The following ASAP1 variants were observed in gnomAD, a reference collection of about 807,000 sequenced individuals.
ASAP1 encodes the protein arf-GAP with SH3 domain, ANK repeat and PH domain-containing protein 1.
In ASAP1, 43 loss-of-function variants were observed where a neutral mutation model predicts 145.2. The observed-to-expected ratio is 0.30, with a 90% CI of 0.23 to 0.38. The LOEUF is 0.38. Among genes scored for constraint, ASAP1 ranks in the 10% least tolerant of loss-of-function variants. ASAP1 has a pLI of 1.00. For synonymous variants in ASAP1, 546 were observed against 515.5 expected (o/e 1.06, Z -0.80); for missense variants, 1,018 against 1,355.3 (o/e 0.75, Z 3.91).
chr8:130,353,508 T>G (rs1438257971), intron 3 of ASAP1, among the ~76,000 whole-genome samples: 1 of 152,202 alleles, frequency 6.6e-6, no homozygotes, highest in Non-Finnish European at 1.5e-5. Context: ...ATGTTCCCTA[T>G]AAAGCCACTG....
Position 130,188,126 on chromosome 8 carries a change from G to C in ASAP1, c.463C>G (p.Leu155Val). 6.2e-7 allele frequency: 1 copy of C among 1,613,298 alleles called. No individual in the cohort carries two copies. The highest frequency in any genetic ancestry group is 8.5e-7 in the Non-Finnish European group (1 of 1,179,488). ...FTLDSLLKGD[L>V]KGVKGDLKKP... ...ACACTTACTCCTTTGACTCCCTTTAGGTCTCCTTTTAACAAAGAATCCAAG... is the reference window on the plus strand; with the variant it reads ...ACACTTACTCCTTTGACTCCCTTTACGTCTCCTTTTAACAAAGAATCCAAG... Residue 155 changes from leucine (L) to valine (V), a missense_variant, in exon 6 of 30, where the codon CTA becomes GTA. Leu to Val is a conservative substitution (Grantham distance 32). Coordinates refer to ENST00000518721, the MANE Select transcript of ASAP1 (RefSeq NM_018482.4).
intron 3 of ASAP1, among the ~76,000 whole-genome samples, chr8:130,241,902 T>C (rs1818550790): frequency 6.6e-6 from 1 of 152,142 alleles, no homozygotes; most frequent in East Asian, 1.9e-4. Context: ...TATACTCAAG[T>C]GGGAAAATTG....
chr8:130,071,009 G>A (rs1002724672), intron 27 of ASAP1, among the ~76,000 whole-genome samples: 115 of 7,000 alleles, frequency 0.016, 19 homozygotes, highest in East Asian at 0.049. Flanking sequence ...GAGGGGAGGG[G>A]GGGAGAGAGA....
rs58245112 is a variant in ASAP1, at chr8:130,256,739, T to TTATATATA, written c.187-19753_187-19746dup. On this transcript the variant is annotated intron_variant, in intron 3 of 29. Transcript: ENST00000518721. ...ATCTTCTTCCTGAATATACACATTC[T>TTATATATA]TATATATATATATATATATATATAT... 4.7e-3 allele frequency among the ~76,000 whole-genome samples: 453 copies of TTATATATA among 95,730 alleles called. 2 individuals carry two copies. The highest frequency in any genetic ancestry group is 8.4e-3 in the African/African-American group (187 of 22,332). 62.8% of individuals were successfully genotyped at this position (95,730 alleles called of 152,430 possible).
intron 2 of ASAP1, among the ~76,000 whole-genome samples, chr8:130,362,049 G>A (rs190173534): frequency 4.0e-5 from 6 of 151,856 alleles, no homozygotes; most frequent in African/African-American, 7.2e-5. Flanking sequence ...GCACTTTGTC[G>A]CCTTGAAAAA....
chr8:130,383,722 C>T (rs1827887306), intron 2 of ASAP1, among the ~76,000 whole-genome samples: 1 of 152,192 alleles, frequency 6.6e-6, no homozygotes, highest in Non-Finnish European at 1.5e-5. Flanking sequence ...TGTAGTATCA[C>T]AACAGAAGAC....
At chr8:130,140,688 T>C (rs904846278) in intron 13 of ASAP1, among the ~76,000 whole-genome samples, 1 of 152,230 alleles carries the variant, frequency 6.6e-6, no homozygotes, top group African/African-American at 2.4e-5. Flanking sequence ...TGACTTTTGC[T>C]ACATTAACAT....
At chr8:130,438,247 G>A (rs544059417) in intron 1 of ASAP1, among the ~76,000 whole-genome samples, 11 of 152,280 alleles carry the variant, frequency 7.2e-5, no homozygotes, top group African/African-American at 1.9e-4. Context: ...TCGCAGCAAC[G>A]TGGCTACACA....
Position 130,188,180 on chromosome 8 carries a change from G to A in ASAP1, c.409C>T (p.Gln137Ter). The A allele has an allele frequency of 6.2e-7, 1 of 1,613,518 alleles. No homozygotes were observed. The highest frequency in any genetic ancestry group is 8.5e-7 in the Non-Finnish European group (1 of 1,179,626). The change falls in exon 6 of 30, where the codon CAG becomes TAG. Residue 137 changes from glutamine (Q) to a stop codon, truncating the protein, a stop_gained. Transcript: ENST00000518721. LOFTEE classifies it high-confidence loss of function. Reference sequence around the variant, plus strand: ...AAGATCACATTGTGGCTCAAACCCTGGAGCTGAAAAAGCAAAGGGAAGATG... The same window carrying A: ...AAGATCACATTGTGGCTCAAACCCTAGAGCTGAAAAAGCAAAGGGAAGATG... The part of the protein sequence containing the change: ...ELSTLLKNLL[Q>*]GLSHNVIFTL...
chr8:130,159,991 C>G (rs994971729), intron 11 of ASAP1, 27 bp from the exon 12 acceptor site: 1 of 1,575,342 alleles, frequency 6.3e-7, no homozygotes, highest in African/African-American at 1.3e-5. Context: ...ACAGATTAAA[C>G]AAAAACTAGA....
chr8:130,118,379 G>A (rs2097559851), intron 19 of ASAP1, 110 bp downstream of exon 19: 7 of 1,354,068 alleles, frequency 5.2e-6, no homozygotes, highest in Non-Finnish European at 5.1e-6. Context: ...ATTTAGACAT[G>A]GCCACCCAAT....
intron 1 of ASAP1, among the ~76,000 whole-genome samples, chr8:130,413,264 A>G (rs1242851136): frequency 1.3e-5 from 2 of 152,350 alleles, no homozygotes; most frequent in South Asian, 4.1e-4. Context: ...TAGAACTAAA[A>G]AAAGATCTTT....
At chr8:130,160,676 A>C in intron 11 of ASAP1, 1 of 655,578 alleles carries the variant, frequency 1.5e-6, no homozygotes, top group Admixed American at 3.7e-5. Context: ...CAGCCATTAC[A>C]TTACGAAAAT....
At chr8:130,240,152 G>T (rs908025148) in intron 3 of ASAP1, among the ~76,000 whole-genome samples, 12 of 151,966 alleles carry the variant, frequency 7.9e-5, no homozygotes, top group Non-Finnish European at 1.3e-4. Flanking sequence ...TTCCTTTTGT[G>T]GGGGGGAGCG....
intron 1 of ASAP1, among the ~76,000 whole-genome samples, chr8:130,417,189 CAACT>C (rs1829518571): frequency 6.6e-6 from 1 of 152,086 alleles, no homozygotes; most frequent in Non-Finnish European, 1.5e-5. Context: ...AACCCACGTA[CAACT>C]GCACACACAC....
intron 26 of ASAP1, among the ~76,000 whole-genome samples, chr8:130,079,075 G>A (rs1452809284): frequency 6.6e-6 from 1 of 152,090 alleles, no homozygotes; most frequent in Non-Finnish European, 1.5e-5. Flanking sequence ...CATGCCTCTG[G>A]TTCCAGCTAC....
chr8:130,105,486 T>C (rs1167314717), intron 24 of ASAP1, among the ~76,000 whole-genome samples: 1 of 152,204 alleles, frequency 6.6e-6, no homozygotes, highest in East Asian at 1.9e-4. Flanking sequence ...AGCGAGAACA[T>C]TTAAAATCTA....
At chr8:130,098,193 C>T (rs1033052351) in intron 24 of ASAP1, among the ~76,000 whole-genome samples, 6 of 152,172 alleles carry the variant, frequency 3.9e-5, no homozygotes, top group Admixed American at 2.0e-4. Flanking sequence ...TGAGCAGCTA[C>T]GTCCAGGCAG....
At chr8:130,428,466 TCAC>T (rs1228960674) in intron 1 of ASAP1, among the ~76,000 whole-genome samples, 27 of 24,014 alleles carry the variant, frequency 1.1e-3, no homozygotes, top group Admixed American at 1.9e-3. Flanking sequence ...ACCATCATCA[TCAC>T]CACCACCACC....
Sources: allele counts gnomAD v4.1 joint callset (sites outside exome capture counted in the v4.1 genomes callset), GRCh38; gene constraint gnomAD v4.1.1; transcripts MANE v1.5; gene names NCBI Gene and HGNC (gene_info 2026-07-23, HGNC 2026-07-21).